TRIO: variants seen among roughly 807,000 people sequenced by gnomAD.
TRIO encodes the protein triple functional domain protein.
A neutral mutation model predicts 351.9 loss-of-function variants in TRIO; 58 were observed. That is an observed-to-expected ratio of 0.16 (90% CI 0.13 to 0.21). The LOEUF (loss-of-function observed/expected upper bound fraction) is 0.21, where lower values mean the gene tolerates loss of function less well. Among genes scored for constraint, TRIO ranks in the 10% least tolerant of loss-of-function variants. The pLI, the probability that TRIO is intolerant of heterozygous loss-of-function variation, is 1.00. For synonymous variants in TRIO, 1,758 were observed against 1,595.7 expected, an observed-to-expected ratio of 1.10 and a Z score of -2.42; for missense variants, 3,201 against 4,027.8, an observed-to-expected ratio of 0.79 and a Z score of 5.56.
chr5:14,452,234 T>A (rs570930946), intron 34 of TRIO, among the ~76,000 whole-genome samples: 1 of 152,262 alleles, frequency 6.6e-6, no homozygotes, highest in Non-Finnish European at 1.5e-5. Flanking sequence ...CTGGGGCGCT[T>A]GTCCTTAGAT....
chr5:14,281,346 C>T (rs1454064738), intron 3 of TRIO, among the ~76,000 whole-genome samples: 1 of 151,722 alleles, frequency 6.6e-6, no homozygotes, highest in Admixed American at 6.6e-5. Flanking sequence ...GGTCAGGTGC[C>T]ACACACTTTT....
intron 3 of TRIO, among the ~76,000 whole-genome samples, chr5:14,283,838 A>C (rs559181929): frequency 9.2e-5 from 14 of 152,050 alleles, no homozygotes; most frequent in African/African-American, 3.1e-4. Context: ...ACTTTCCACT[A>C]AACGTGTGTA....
intron 11 of TRIO, among the ~76,000 whole-genome samples, chr5:14,343,265 C>T (rs2152324930): frequency 6.6e-6 from 1 of 152,266 alleles, no homozygotes; most frequent in East Asian, 1.9e-4. Context: ...TGTATGTGTG[C>T]CCATGTGTAT....
At chr5:14,422,898 G>T (rs1750298203) in intron 34 of TRIO, among the ~76,000 whole-genome samples, 1 of 152,200 alleles carries the variant, frequency 6.6e-6, no homozygotes, top group African/African-American at 2.4e-5. Context: ...GCTGAGGTGG[G>T]AGGATCGCTT....
chr5:14,500,328 C>A (rs1290558813), intron 53 of TRIO, among the ~76,000 whole-genome samples: 1 of 152,218 alleles, frequency 6.6e-6, no homozygotes, highest in East Asian at 1.9e-4. Flanking sequence ...CACCCACAAG[C>A]TGTCTGGGGT....
At position 14,487,627 on chromosome 5, in the gene TRIO, G is replaced by A. The variant is rs775730394; in HGVS notation, c.6999G>A (p.Thr2333=). 7 of 1,217,172 alleles carry A rather than the reference G, an allele frequency of 5.8e-6. No individual in the cohort carries two copies. Among genetic ancestry groups the A allele is most frequent in the Non-Finnish European group, 7.2e-6 (7 of 967,196 alleles). 75.4% of individuals were successfully genotyped at this position (1,217,172 alleles called of 1,614,324 possible). ...GCAGCTGCGGCGGCGCCCCCAGCAC[G>A]AGCAGGAGCCGGCCCTCCCGGATCC... ...GPSSCGGAPS[T]SRSRPSRIPQ... Residue 2333 remains threonine (T), a synonymous_variant, in exon 48 of 57, where the codon ACG becomes ACA. Transcript: ENST00000344204.
At chr5:14,375,355 GT>G (rs1299117825) in intron 19 of TRIO, among the ~76,000 whole-genome samples, 1 of 151,730 alleles carries the variant, frequency 6.6e-6, no homozygotes, top group Non-Finnish European at 1.5e-5. Context: ...TGTTGGTTGT[GT>G]CCTGTCTTTT....
At chr5:14,270,596 C>T (rs1795924658) in intron 1 of TRIO, among the ~76,000 whole-genome samples, 3 of 152,122 alleles carry the variant, frequency 2.0e-5, no homozygotes. Flanking sequence ...CAGAGCGAGC[C>T]TTTTGGGGAC....
At chr5:14,360,616 C>G (rs1302439022) in intron 13 of TRIO, among the ~76,000 whole-genome samples, 1 of 152,232 alleles carries the variant, frequency 6.6e-6, no homozygotes, top group South Asian at 2.1e-4. Context: ...TGTGCGTAGC[C>G]TGCCCTCAGT....
chr5:14,229,293 T>C (rs971088518), intron 1 of TRIO, among the ~76,000 whole-genome samples: 17 of 152,204 alleles, frequency 1.1e-4, no homozygotes, highest in Non-Finnish European at 1.2e-4. Flanking sequence ...GCAGTTGTAG[T>C]GGGATGGTGG....
At chr5:14,223,521 A>T (rs1202063665) in intron 1 of TRIO, among the ~76,000 whole-genome samples, 2 of 152,140 alleles carry the variant, frequency 1.3e-5, no homozygotes, top group Non-Finnish European at 2.9e-5. Context: ...CGGTGGAGCA[A>T]CTAGCCTAGG....
intron 1 of TRIO, among the ~76,000 whole-genome samples, chr5:14,235,155 C>G (rs1246818676): frequency 6.6e-6 from 1 of 152,108 alleles, no homozygotes; most frequent in Non-Finnish European, 1.5e-5. Flanking sequence ...CCCTACCCAT[C>G]CTGGCATAAC....
At chr5:14,347,653 T>G (rs1742547769) in intron 11 of TRIO, among the ~76,000 whole-genome samples, 1 of 152,188 alleles carries the variant, frequency 6.6e-6, no homozygotes, top group South Asian at 2.1e-4. Flanking sequence ...CCGAAATAAT[T>G]GTTGCTGCAT....
rs547617979 is a variant in TRIO at position 14,492,957 on chromosome 5, G to A, written c.7880+143G>A. On this transcript the variant is annotated intron_variant, in intron 49 of 56. Transcript: ENST00000344204. ...TTAGAACAGGCTCAGCTCTGAGCAC[G>A]TGGGAAGATGGGTGGCCTTCCATCT... The A allele has an allele frequency of 1.2e-4, 160 of 1,300,342 alleles. No homozygotes were observed. The East Asian group carries it at 2.5e-3, about 21-fold the overall frequency. The allele number at this position is 1,300,342 out of a possible 1,614,324, so 80.6% of individuals were successfully genotyped here.
intron 33 of TRIO, among the ~76,000 whole-genome samples, chr5:14,408,582 A>G (rs952638065): frequency 1.3e-5 from 2 of 152,300 alleles, no homozygotes; most frequent in Non-Finnish European, 1.5e-5. Context: ...AAAGAAATAA[A>G]GTTTGAGCTT....
intron 1 of TRIO, among the ~76,000 whole-genome samples, chr5:14,242,573 G>A (rs959365542): frequency 6.6e-6 from 1 of 152,148 alleles, no homozygotes; most frequent in Non-Finnish European, 1.5e-5. Flanking sequence ...ATGGTAACAT[G>A]CTCCCCACTG....
intron 11 of TRIO, among the ~76,000 whole-genome samples, chr5:14,357,624 C>T (rs1743740584): frequency 6.6e-6 from 1 of 151,976 alleles, no homozygotes; most frequent in African/African-American, 2.4e-5. Context: ...ATTGTGGGGC[C>T]TGGGCTCGTG....
chr5:14,149,252 G>A (rs1787686835), intron 1 of TRIO, among the ~76,000 whole-genome samples: 1 of 152,192 alleles, frequency 6.6e-6, no homozygotes, highest in Non-Finnish European at 1.5e-5. Flanking sequence ...AAATCTCAAA[G>A]AGAGATACCT....
At chr5:14,473,625 CT>C (rs1444492461) in intron 39 of TRIO, among the ~76,000 whole-genome samples, 4 of 152,172 alleles carry the variant, frequency 2.6e-5, no homozygotes, top group Non-Finnish European at 5.9e-5. Context: ...AAAAGAAAAT[CT>C]TTCTGTTTCT....
Sources: allele counts gnomAD v4.1 joint callset (sites outside exome capture counted in the v4.1 genomes callset), GRCh38; gene constraint gnomAD v4.1.1; transcripts MANE v1.5; gene names NCBI Gene and HGNC (gene_info 2026-07-23, HGNC 2026-07-21).